CDCP1: variants seen among roughly 807,000 people sequenced by gnomAD.
CDCP1 encodes the protein CUB domain containing protein 1, also known as CUB domain-containing protein 1.
CDCP1 carries 29 observed loss-of-function variants against 60.2 expected under a neutral mutation model. The observed-to-expected ratio is 0.48, with a 90% confidence interval of 0.36 to 0.66. CDCP1 has a LOEUF of 0.66. Ranked by LOEUF, CDCP1 falls within the 30% of genes least tolerant of loss-of-function variation. CDCP1 has a pLI of 0.00. For missense variants in CDCP1, 876 were observed against 1,074.3 expected, an observed-to-expected ratio of 0.82 and a Z score of 2.58; for synonymous variants, 387 against 431.1, an observed-to-expected ratio of 0.90 and a Z score of 1.27.
chr3:45,111,947 T>C (rs1055287583), intron 3 of CDCP1, 136 bp downstream of exon 3: 32 of 1,147,552 alleles, frequency 2.8e-5, no homozygotes, highest in Non-Finnish European at 3.1e-5. Flanking sequence ...ATGTCACTTA[T>C]AAGAGAGCTA....
chr3:45,114,243 G>A (rs1698747095), intron 2 of CDCP1, among the ~76,000 whole-genome samples: 1 of 152,136 alleles, frequency 6.6e-6, no homozygotes, highest in Non-Finnish European at 1.5e-5. Flanking sequence ...GAACACACAG[G>A]TAAGAGTAGT....
In CDCP1 at chr3:45,146,376, C is replaced by T. The variant is rs1699392644; in HGVS notation, c.-89G>A. The T allele has an allele frequency of 8.4e-7, 1 of 1,184,224 alleles. No homozygotes were observed. The highest frequency in any genetic ancestry group is 1.1e-6 in the Non-Finnish European group (1 of 877,520). The allele number at this position is 1,184,224 out of a possible 1,614,324, so 73.4% of individuals were successfully genotyped here. On this transcript the variant is annotated 5_prime_UTR_variant, in exon 1 of 9. Transcript: ENST00000296129. ...CAAGCCCGGCGCAGCTGCGCTCCGCCCTGGCTCACTCACCTGCGCGCGGGC... is the reference window on the plus strand; with the variant it reads ...CAAGCCCGGCGCAGCTGCGCTCCGCTCTGGCTCACTCACCTGCGCGCGGGC...
chr3:45,109,431 T>C (rs908414195), intron 4 of CDCP1, among the ~76,000 whole-genome samples: 6 of 152,076 alleles, frequency 3.9e-5, no homozygotes, highest in Non-Finnish European at 8.8e-5. Flanking sequence ...TGGCTCTGCC[T>C]ACTTCCTAGA....
chr3:45,137,381 C>T (rs1699206467), intron 1 of CDCP1, among the ~76,000 whole-genome samples: 1 of 152,134 alleles, frequency 6.6e-6, no homozygotes, highest in African/African-American at 2.4e-5. Context: ...CAGGTTCCTG[C>T]CTGGAACTTG....
chr3:45,107,959 A>G (rs1698597097), intron 4 of CDCP1, among the ~76,000 whole-genome samples: 1 of 152,100 alleles, frequency 6.6e-6, no homozygotes, highest in Non-Finnish European at 1.5e-5. Context: ...TCTACTAAAA[A>G]TACAAAAAAT....
Position 45,085,986 on chromosome 3 carries a change from C to G in CDCP1, c.2163G>C (p.Lys721Asn). The change falls in exon 9 of 9, where the codon AAG (lysine) becomes AAC (asparagine). Residue 721 changes from lysine to asparagine, a missense_variant. Lys to Asn is a moderately conservative substitution (Grantham distance 94). Coordinates refer to ENST00000296129, the MANE Select transcript of CDCP1 (RefSeq NM_022842.5). This position sits in a 1 kb window ranked among gnomAD's most constrained non-coding sequence, Gnocchi z 4.2. ...CATTGTCCTTTCGCCCTTTCTGAAA[C>G]TTTTTTGGCTGCCTCGGCATCTCAG... ...INTEMPRQPK[K>N]FQKGRKDNDS... 6.2e-7 allele frequency: 1 copy of G among 1,614,160 alleles called. No homozygotes were observed. Among genetic ancestry groups the G allele is most frequent in the Non-Finnish European group, 8.5e-7 (1 of 1,180,006 alleles).
intron 1 of CDCP1, among the ~76,000 whole-genome samples, chr3:45,127,680 G>C (rs1450567989): frequency 1.3e-5 from 2 of 152,290 alleles, no homozygotes; most frequent in East Asian, 3.9e-4. Context: ...TTCATCCACT[G>C]GTTTGGAAGT....
At position 45,130,180 on chromosome 3, in the gene CDCP1, G is replaced by A. The variant is rs183772464; in HGVS notation, c.83-11559C>T. On this transcript the variant is annotated intron_variant, in intron 1 of 8. Transcript: ENST00000296129. ...TCTGTCACCCAGGCTGCAGAGCAGT[G>A]GTGTGATCTTGGCTCACTGCAGCTT... Among the ~76,000 whole-genome samples, 149 of 150,902 alleles carry A rather than the reference G, an allele frequency of 9.9e-4. 1 individual carries two copies. The highest frequency in any genetic ancestry group is 1.9e-3 in the Non-Finnish European group (126 of 67,844).
intron 1 of CDCP1, among the ~76,000 whole-genome samples, chr3:45,126,440 G>T (rs1362490140): frequency 6.6e-6 from 1 of 152,058 alleles, no homozygotes; most frequent in Admixed American, 6.6e-5. Flanking sequence ...CAAACTTGGA[G>T]TCTTCCTAGT....
Position 45,091,183 on chromosome 3 carries a change from TG to T in CDCP1, c.1982del (p.Pro661GlnfsTer6). Reference protein sequence around the residue: ...LDLLFSVTLTPRTVDLTVILI... With the variant: ...LDLLFSVTLTXRTVDLTVILI... ...CCTGAAGGCCCTTACCCACAGTCCTTGGGGTAAGTGTCACCGAGAAGAGCAG... is the reference window on the plus strand; with the variant it reads ...CCTGAAGGCCCTTACCCACAGTCCTTGGGTAAGTGTCACCGAGAAGAGCAG... On this transcript the variant is annotated frameshift_variant, in exon 7 of 9. Transcript: ENST00000296129. LOFTEE classifies it high-confidence loss of function. This position sits in a 1 kb window ranked among gnomAD's most constrained non-coding sequence, Gnocchi z 4.8. 6.2e-7 allele frequency: 1 copy of T among 1,612,032 alleles called. No homozygotes were observed. The highest frequency in any genetic ancestry group is 8.5e-7 in the Non-Finnish European group (1 of 1,178,960).
chr3:45,132,261 G>T (rs1226514720), intron 1 of CDCP1, among the ~76,000 whole-genome samples: 1 of 150,594 alleles, frequency 6.6e-6, no homozygotes, highest in Non-Finnish European at 1.5e-5. Flanking sequence ...ACATATAAAA[G>T]AAAACGTTCT....
At chr3:45,137,833 G>A (rs113653810) in intron 1 of CDCP1, among the ~76,000 whole-genome samples, 3,985 of 149,542 alleles carry the variant, frequency 0.027, 65 homozygotes, top group Middle Eastern at 0.092. Flanking sequence ...TCTATGTTCC[G>A]TGAAGATAAG....
intron 1 of CDCP1, among the ~76,000 whole-genome samples, chr3:45,130,000 G>A (rs1263100175): frequency 6.6e-6 from 1 of 151,602 alleles, no homozygotes; most frequent in Non-Finnish European, 1.5e-5. Context: ...AAATTCTGCA[G>A]TACTAGAATG....
chr3:45,095,470 A>C lies in CDCP1; in HGVS notation c.1123T>G (p.Phe375Val). Residue 375 changes from phenylalanine (F) to valine (V), a missense_variant, in exon 5 of 9, where the codon TTC (phenylalanine) becomes GTC (valine). This residue lies in a region of CDCP1 where 726 missense variants were observed against 935.7 expected (regional missense o/e 0.78). Coordinates refer to ENST00000296129, the MANE Select transcript of CDCP1 (RefSeq NM_022842.5). ...CAGGTCCGAGATTCTAGACACACGA[A>C]ACAGCCAGGGACAAACTTGCGGCTC... ...KQSRKFVPGCFVCLESRTCSS... is the reference protein window; with the variant it reads ...KQSRKFVPGCVVCLESRTCSS... 6.2e-7 allele frequency: 1 copy of C among 1,614,188 alleles called. No individual in the cohort carries two copies.
intron 1 of CDCP1, among the ~76,000 whole-genome samples, chr3:45,137,803 G>GA (rs56029840): frequency 0.91 from 127,775 of 140,268 alleles, 59,129 homozygotes; most frequent in Non-Finnish European, 0.99. Flanking sequence ...CTGGGCAACA[G>GA]AAAAAAAAAA....
intron 1 of CDCP1, among the ~76,000 whole-genome samples, chr3:45,137,124 T>C (rs763777438): frequency 1.3e-5 from 2 of 152,356 alleles, no homozygotes; most frequent in South Asian, 2.1e-4. Flanking sequence ...TCTGTTCCCA[T>C]AGGCAACCAC....
At chr3:45,132,772 T>C (rs1280028832) in intron 1 of CDCP1, among the ~76,000 whole-genome samples, 1 of 152,198 alleles carries the variant, frequency 6.6e-6, no homozygotes, top group African/African-American at 2.4e-5. Flanking sequence ...CAAAGAGTGA[T>C]TGATGGCCAT....
intron 7 of CDCP1, 107 bp from the exon 8 acceptor site, chr3:45,089,248 G>A (rs572257335): frequency 3.5e-5 from 29 of 818,470 alleles, no homozygotes; most frequent in South Asian, 5.9e-5. Flanking sequence ...AAGGTGGAGC[G>A]CCATACATGT....
chr3:45,118,289 T>C (rs552351555), intron 2 of CDCP1, 123 bp downstream of exon 2: 118 of 734,710 alleles, frequency 1.6e-4, no homozygotes, highest in Admixed American at 1.1e-3. Flanking sequence ...TAAAAAACTG[T>C]AGAGTTTCAG....
Sources: allele counts gnomAD v4.1 joint callset (sites outside exome capture counted in the v4.1 genomes callset), GRCh38; gene constraint gnomAD v4.1.1; regional missense constraint gnomAD v4.1.1; non-coding constraint Gnocchi (gnomAD v3.1); transcripts MANE v1.5; gene names NCBI Gene and HGNC (gene_info 2026-07-23, HGNC 2026-07-21).